Variants in TCF12 observed in about 807,000 individuals in gnomAD.
The protein encoded by TCF12 is transcription factor 12, also known as DNA-binding protein HTF4.
A neutral mutation model predicts 86.0 loss-of-function variants in TCF12; 45 were observed. The ratio of observed to expected loss-of-function variants is 0.52; its 90% CI spans 0.41 to 0.67. The LOEUF is 0.67. Ranked by LOEUF, TCF12 falls within the 30% of genes least tolerant of loss-of-function variation. The pLI is 0.00. For missense variants in TCF12, 881 were observed against 859.9 expected, an observed-to-expected ratio of 1.02 and a Z score of -0.31; for synonymous variants, 330 against 299.6, an observed-to-expected ratio of 1.10 and a Z score of -1.05.
chr15:57,052,337 A>G (rs1192369159), intron 3 of TCF12, among the ~76,000 whole-genome samples: 1 of 152,102 alleles, frequency 6.6e-6, no homozygotes, highest in African/African-American at 2.4e-5. Flanking sequence ...GAGAGTGAAC[A>G]TAAGTGGATA....
intron 5 of TCF12, among the ~76,000 whole-genome samples, chr15:57,142,335 A>AGATAGATAGATG (rs1555516808): frequency 3.9e-5 from 6 of 152,236 alleles, no homozygotes; most frequent in African/African-American, 1.2e-4. Flanking sequence ...ATAGATAGAT[A>AGATAGATAGATG]CAGAAAGAAA....
intron 19 of TCF12, 76 bp from the exon 20 acceptor site, chr15:57,282,369 A>G (rs1597900013): frequency 6.4e-7 from 1 of 1,564,310 alleles, no homozygotes; most frequent in South Asian, 1.1e-5. Context: ...ACACAAAACA[A>G]CAGCAATTTG....
At chr15:57,252,217 A>T in intron 14 of TCF12, 2 of 432,964 alleles carry the variant, frequency 4.6e-6, no homozygotes, top group Non-Finnish European at 8.2e-6. Flanking sequence ...AGCAATTATA[A>T]GCAATGTGTG....
chr15:57,161,527 G>C (rs1255984093), intron 5 of TCF12, among the ~76,000 whole-genome samples: 1 of 152,184 alleles, frequency 6.6e-6, no homozygotes, highest in African/African-American at 2.4e-5. Flanking sequence ...TTATGTGTCT[G>C]ATGGTTTAAT....
intron 12 of TCF12, among the ~76,000 whole-genome samples, chr15:57,235,842 G>C (rs1262905859): frequency 6.6e-6 from 1 of 151,994 alleles, no homozygotes; most frequent in Non-Finnish European, 1.5e-5. Flanking sequence ...GGGAACCTTG[G>C]CCTACAGGCA....
intron 3 of TCF12, among the ~76,000 whole-genome samples, chr15:56,947,187 G>T (rs555680220): frequency 6.6e-6 from 1 of 152,110 alleles, no homozygotes; most frequent in Non-Finnish European, 1.5e-5. Context: ...CAACGTTTAG[G>T]CTGTATTCAG....
At chr15:57,205,215 G>A (rs1041960432) in intron 8 of TCF12, among the ~76,000 whole-genome samples, 4 of 151,940 alleles carry the variant, frequency 2.6e-5, no homozygotes, top group African/African-American at 7.2e-5. Context: ...CTGAGAGAGC[G>A]TTGCTTGAAC....
intron 3 of TCF12, among the ~76,000 whole-genome samples, chr15:56,962,700 G>A (rs1315028279): frequency 6.6e-6 from 1 of 152,124 alleles, no homozygotes; most frequent in East Asian, 1.9e-4. Context: ...GTTGTTACTA[G>A]ATCATCTCTT....
rs1555526103 is a variant in TCF12 at position 57,170,689 on chromosome 15, A to AAT, written c.390+4230_390+4231dup. On this transcript the variant is annotated intron_variant, in intron 6 of 20. Coordinates refer to ENST00000333725, the MANE Select transcript of TCF12 (RefSeq NM_207037.2). ...TATATATATATAATATATTATATATAATATATATTATATATAATATATAAT... is the reference window on the plus strand; with the variant it reads ...TATATATATATAATATATTATATATAATATATATATTATATATAATATATAAT... 8.3e-3 allele frequency among the ~76,000 whole-genome samples: 196 copies of AAT among 23,490 alleles called. 3 individuals carry two copies. The highest frequency in any genetic ancestry group is 0.017 in the East Asian group (18 of 1,072). 15.4% of individuals were successfully genotyped at this position (23,490 alleles called of 152,430 possible).
At chr15:56,976,210 A>G (rs1048679998) in intron 3 of TCF12, among the ~76,000 whole-genome samples, 1 of 149,038 alleles carries the variant, frequency 6.7e-6, no homozygotes, top group Non-Finnish European at 1.5e-5. Context: ...TAAATAGTAG[A>G]TAAAAGGAAG....
At chr15:56,987,963 A>C (rs2063274275) in intron 3 of TCF12, among the ~76,000 whole-genome samples, 1 of 152,226 alleles carries the variant, frequency 6.6e-6, no homozygotes, top group Admixed American at 6.5e-5. Flanking sequence ...CCTATTTACC[A>C]AGTTAAACTG....
intron 8 of TCF12, among the ~76,000 whole-genome samples, chr15:57,209,917 A>C (rs186239207): frequency 1.3e-5 from 2 of 152,152 alleles, no homozygotes; most frequent in African/African-American, 4.8e-5. Flanking sequence ...TTGCATTTGC[A>C]GTTTATGGAA....
At chr15:57,220,074 A>G (rs2058519060) in intron 8 of TCF12, among the ~76,000 whole-genome samples, 1 of 152,192 alleles carries the variant, frequency 6.6e-6, no homozygotes, top group Non-Finnish European at 1.5e-5. Context: ...CCTGTCTGCT[A>G]CATAGCTACT....
chr15:56,925,564 G>T (rs1301545651), intron 3 of TCF12, among the ~76,000 whole-genome samples: 3 of 152,140 alleles, frequency 2.0e-5, no homozygotes, highest in Admixed American at 2.0e-4. Context: ...AAGCCATATA[G>T]TCTTTTCTGC....
intron 3 of TCF12, among the ~76,000 whole-genome samples, chr15:56,979,463 T>C (rs752666070): frequency 6.6e-6 from 1 of 152,172 alleles, no homozygotes; most frequent in Admixed American, 6.6e-5. Context: ...TCCTGAGAGA[T>C]GGGCAATGAT....
At position 57,058,902 on chromosome 15, in the gene TCF12, G is replaced by A. The variant is rs535613506; in HGVS notation, c.149-4848G>A. 1.6e-3 allele frequency among the ~76,000 whole-genome samples: 238 copies of A among 152,242 alleles called. 1 individual carries two copies. The highest frequency in any genetic ancestry group is 5.5e-3 in the African/African-American group (227 of 41,526). ...AAATCTTGGTGTTGGTTTTTTAGGT[G>A]TATATTAGTTTACAATTGATTGCAG... On this transcript the variant is annotated intron_variant, in intron 3 of 20. Coordinates refer to ENST00000333725, the MANE Select transcript of TCF12 (RefSeq NM_207037.2).
At chr15:57,025,362 G>A (rs1400868204) in intron 3 of TCF12, among the ~76,000 whole-genome samples, 2 of 152,160 alleles carry the variant, frequency 1.3e-5, no homozygotes, top group African/African-American at 2.4e-5. Context: ...TTACAGGCAT[G>A]AGCCACCGCC....
At chr15:57,150,880 T>TTCCC (rs2053694660) in intron 5 of TCF12, among the ~76,000 whole-genome samples, 1 of 32,250 alleles carries the variant, frequency 3.1e-5, no homozygotes, top group Non-Finnish European at 5.1e-5. Context: ...TGTCCCTTCC[T>TTCCC]TCCTTCCTTC....
At chr15:57,178,140 G>A (rs1254316096) in intron 6 of TCF12, among the ~76,000 whole-genome samples, 3 of 152,168 alleles carry the variant, frequency 2.0e-5, no homozygotes, top group Non-Finnish European at 4.4e-5. Flanking sequence ...TACATGATAA[G>A]GGATTATTGT....
Sources: allele counts gnomAD v4.1 joint callset (sites outside exome capture counted in the v4.1 genomes callset), GRCh38; gene constraint gnomAD v4.1.1; transcripts MANE v1.5; gene names NCBI Gene and HGNC (gene_info 2026-07-23, HGNC 2026-07-21).